The following MALRD1 variants were observed in gnomAD, a reference collection of about 807,000 sequenced individuals.
MALRD1 encodes MAM and LDL receptor class A domain containing 1.
MALRD1 carries 247 observed loss-of-function variants against 242.1 expected under a neutral mutation model. That is an observed-to-expected ratio of 1.02 (90% confidence interval 0.92 to 1.13). The LOEUF is 1.13. Ranked by LOEUF, MALRD1 falls within the 50% of genes most tolerant of loss-of-function variation. The pLI, the probability that MALRD1 is intolerant of heterozygous loss-of-function variation, is 0.00. For missense variants in MALRD1, 2,989 were observed against 2,533.1 expected (o/e 1.18, Z -3.86); for synonymous variants, 995 against 866.6 (o/e 1.15, Z -2.60).
chr10:19,239,022 T>C (rs1838634767), intron 18 of MALRD1, among the ~76,000 whole-genome samples: 1 of 151,534 alleles, frequency 6.6e-6, no homozygotes, highest in Non-Finnish European at 1.5e-5. Context: ...CATTTCTATA[T>C]TTTCTCTTGT....
intron 2 of MALRD1, among the ~76,000 whole-genome samples, chr10:19,077,392 AT>A (rs897979623): frequency 1.3e-5 from 2 of 151,898 alleles, no homozygotes; most frequent in African/African-American, 2.4e-5. Flanking sequence ...AATGTCTGCC[AT>A]TTTTTTCATA....
intron 4 of MALRD1, among the ~76,000 whole-genome samples, chr10:19,096,098 G>T (rs4748551): frequency 0.54 from 82,310 of 151,922 alleles, 22,442 homozygotes; most frequent in Middle Eastern, 0.6. Flanking sequence ...TTTGATCAAG[G>T]TCTCTATAAG....
At chr10:19,320,473 A>T (rs980112623) in intron 21 of MALRD1, among the ~76,000 whole-genome samples, 1 of 152,034 alleles carries the variant, frequency 6.6e-6, no homozygotes, top group Non-Finnish European at 1.5e-5. Flanking sequence ...TCTATCATTG[A>T]TGGGAATTTG....
chr10:19,136,796 G>A lies in MALRD1; in HGVS notation c.1411+15G>A, dbSNP rs150645559. ...AGCAACTTGCTGTAAGTGAGTGAAT[G>A]GCTTACTAGTTTACATGCTCTAATT... On this transcript the variant is annotated intron_variant, in intron 10 of 39. Transcript: ENST00000454679. The A allele has an allele frequency of 1.7e-5, 21 of 1,224,484 alleles. No individual in the cohort carries two copies. The East Asian group carries it at 4.7e-4, about 28-fold the overall frequency. 75.9% of individuals were successfully genotyped at this position (1,224,484 alleles called of 1,614,324 possible). A position where few individuals can be genotyped will look rare whatever the true frequency, so the allele number is the denominator to read the frequency against.
chr10:19,731,671 C>T (rs2131944058), intron 39 of MALRD1, among the ~76,000 whole-genome samples: 1 of 152,198 alleles, frequency 6.6e-6, no homozygotes, highest in Admixed American at 6.5e-5. Flanking sequence ...TTTTTATTTT[C>T]CCATTCCTTT....
chr10:19,311,594 C>G (rs1842426247), intron 21 of MALRD1, among the ~76,000 whole-genome samples: 2 of 151,180 alleles, frequency 1.3e-5, no homozygotes, highest in South Asian at 4.2e-4. Flanking sequence ...ATATTTTTAT[C>G]AATAAAATTC....
intron 31 of MALRD1, among the ~76,000 whole-genome samples, chr10:19,525,444 T>TA (rs1376511356): frequency 3.3e-5 from 5 of 152,178 alleles, no homozygotes; most frequent in African/African-American, 1.2e-4. Context: ...GGCACTCTGA[T>TA]ATTAAGTAAC....
At chr10:19,139,186 A>G (rs1285434440) in intron 10 of MALRD1, among the ~76,000 whole-genome samples, 4 of 152,206 alleles carry the variant, frequency 2.6e-5, no homozygotes, top group Admixed American at 2.6e-4. Flanking sequence ...ATAGATTTGG[A>G]TTATTAGAAT....
At chr10:19,240,905 G>A (rs780651920) in intron 18 of MALRD1, among the ~76,000 whole-genome samples, 2 of 152,048 alleles carry the variant, frequency 1.3e-5, no homozygotes, top group Non-Finnish European at 2.9e-5. Context: ...TCATCCCTGG[G>A]ATGAATCCCA....
intron 21 of MALRD1, among the ~76,000 whole-genome samples, chr10:19,320,063 T>TC (rs1842857714): frequency 1.2e-5 from 1 of 83,828 alleles, no homozygotes; most frequent in South Asian, 3.4e-4. Flanking sequence ...TTTTTTTTTT[T>TC]CAAATTTTAC....
At chr10:19,249,547 G>T (rs780631344) in intron 18 of MALRD1, among the ~76,000 whole-genome samples, 5 of 151,970 alleles carry the variant, frequency 3.3e-5, no homozygotes, top group Non-Finnish European at 7.4e-5. Flanking sequence ...TAATGTGCTA[G>T]TTACTGTGCT....
At chr10:19,498,420 A>G (rs1837820300) in intron 30 of MALRD1, 65 bp from the exon 31 acceptor site, 3 of 1,392,346 alleles carry the variant, frequency 2.2e-6, no homozygotes, top group South Asian at 1.4e-5. Flanking sequence ...ATGATCCCAA[A>G]TATAGGGTAG....
chr10:19,392,120 A>G (rs550671778), intron 28 of MALRD1, among the ~76,000 whole-genome samples: 99 of 152,362 alleles, frequency 6.5e-4, no homozygotes, highest in African/African-American at 2.3e-3. Context: ...ATAGATCGCT[A>G]CAACAATGCA....
At chr10:19,306,087 T>C (rs1842171754) in intron 21 of MALRD1, among the ~76,000 whole-genome samples, 1 of 117,976 alleles carries the variant, frequency 8.5e-6, no homozygotes, top group East Asian at 2.3e-4. Context: ...ATATACTATA[T>C]ATACTATATA....
chr10:19,453,148 A>T (rs927936233), intron 29 of MALRD1, among the ~76,000 whole-genome samples: 1 of 152,212 alleles, frequency 6.6e-6, no homozygotes, highest in African/African-American at 2.4e-5. Flanking sequence ...CCAACTTCAG[A>T]TCATAAACTA....
intron 28 of MALRD1, among the ~76,000 whole-genome samples, chr10:19,430,038 C>T (rs185394699): frequency 1.7e-3 from 257 of 151,534 alleles, no homozygotes; most frequent in African/African-American, 6.1e-3. Context: ...CCATAATATT[C>T]AGACACTTCC....
intron 29 of MALRD1, among the ~76,000 whole-genome samples, chr10:19,460,064 G>A (rs189571776): frequency 2.3e-4 from 35 of 152,054 alleles, no homozygotes; most frequent in Middle Eastern, 3.4e-3. Context: ...ATTGCATAGA[G>A]TTTTTGTGAT....
intron 36 of MALRD1, among the ~76,000 whole-genome samples, chr10:19,691,598 A>G (rs1043512359): frequency 6.6e-6 from 1 of 152,112 alleles, no homozygotes; most frequent in African/African-American, 2.4e-5. Context: ...AAAAATTTCA[A>G]TACATTTACT....
chr10:19,105,129 A>G (rs1398096362), intron 5 of MALRD1, among the ~76,000 whole-genome samples: 3 of 151,960 alleles, frequency 2.0e-5, no homozygotes, highest in Non-Finnish European at 4.4e-5. Context: ...TCTCTCGGTA[A>G]TTTCATACCC....
Sources: gnomAD v4.1 joint callset for allele counts (sites outside exome capture counted in the v4.1 genomes callset) on GRCh38, gnomAD v4.1.1 for gene constraint, MANE v1.5 for transcripts, NCBI Gene and HGNC (gene_info 2026-07-23, HGNC 2026-07-21) for gene names.